HHAT: variants seen among roughly 807,000 people sequenced by gnomAD.
HHAT encodes the protein hedgehog acyltransferase.
A neutral mutation model predicts 70.8 loss-of-function variants in HHAT; 47 were observed. The ratio of observed to expected loss-of-function variants is 0.66; its 90% CI spans 0.53 to 0.85. HHAT has a LOEUF of 0.85. Ranked by LOEUF, HHAT falls within the 40% of genes least tolerant of loss-of-function variation. The pLI, the probability that HHAT is intolerant of heterozygous loss-of-function variation, is 0.00. For missense variants in HHAT, 609 were observed against 604.8 expected (o/e 1.01, Z -0.07); for synonymous variants, 228 against 247.6 (o/e 0.92, Z 0.74).
chr1:210,625,649 A>G (rs1192385722), intron 11 of HHAT, among the ~76,000 whole-genome samples: 4 of 152,234 alleles, frequency 2.6e-5, no homozygotes, highest in Admixed American at 1.3e-4. Context: ...AAAGGCAGGC[A>G]TATCAGGGAA....
At chr1:210,344,817 C>T (rs892054920) in intron 1 of HHAT, among the ~76,000 whole-genome samples, 1 of 152,096 alleles carries the variant, frequency 6.6e-6, no homozygotes, top group Non-Finnish European at 1.5e-5. Flanking sequence ...TTTGAGGGTA[C>T]AGTTAATTTA....
intron 8 of HHAT, among the ~76,000 whole-genome samples, chr1:210,502,427 G>T (rs1315121368): frequency 6.9e-6 from 1 of 143,984 alleles, no homozygotes; most frequent in Non-Finnish European, 1.5e-5. Context: ...GAAATTATAA[G>T]CATAATCTTT....
intron 7 of HHAT, among the ~76,000 whole-genome samples, chr1:210,448,014 C>A (rs796992566): frequency 6.6e-6 from 1 of 151,638 alleles, no homozygotes; most frequent in African/African-American, 2.4e-5. Context: ...GACTCCCACT[C>A]GGTAGCATAA....
chr1:210,333,581 A>G (rs1283632065), intron 1 of HHAT, among the ~76,000 whole-genome samples: 2 of 152,098 alleles, frequency 1.3e-5, no homozygotes, highest in Admixed American at 6.5e-5. Flanking sequence ...ATTTTGTAGT[A>G]TTTTCAAAGG....
chr1:210,333,635 C>T (rs754049801), intron 1 of HHAT, among the ~76,000 whole-genome samples: 4 of 151,780 alleles, frequency 2.6e-5, no homozygotes, highest in East Asian at 1.9e-4. Context: ...TGGTGACATT[C>T]GTCAGAGCTG....
intron 9 of HHAT, among the ~76,000 whole-genome samples, chr1:210,539,777 G>A (rs1284319811): frequency 6.6e-6 from 1 of 152,020 alleles, no homozygotes; most frequent in Non-Finnish European, 1.5e-5. Context: ...CTGTTTCAGT[G>A]CCTTTTTTGT....
chr1:210,617,552 C>T (rs964680278), intron 10 of HHAT, among the ~76,000 whole-genome samples: 2 of 152,138 alleles, frequency 1.3e-5, no homozygotes, highest in Admixed American at 1.3e-4. Context: ...TTAGCAGGAA[C>T]CCAGGCACCC....
At chr1:210,443,320 C>T (rs148483527) in intron 7 of HHAT, among the ~76,000 whole-genome samples, 2,030 of 151,134 alleles carry the variant, frequency 0.013, 21 homozygotes, top group Non-Finnish European at 0.021. Flanking sequence ...ATTGACTTGG[C>T]GATGCGGGCT....
At chr1:210,547,012 A>G in intron 9 of HHAT, among the ~76,000 whole-genome samples, 1 of 150,886 alleles carries the variant, frequency 6.6e-6, no homozygotes, top group East Asian at 2.0e-4. Context: ...TGGTTAGGAG[A>G]TGGGCTGAAA....
At chr1:210,607,117 A>G (rs549801378) in intron 10 of HHAT, among the ~76,000 whole-genome samples, 5 of 151,912 alleles carry the variant, frequency 3.3e-5, no homozygotes, top group Non-Finnish European at 7.4e-5. Context: ...TTTCTTCTTC[A>G]TGGGTTACTC....
chr1:210,614,015 C>T lies in HHAT; in HGVS notation c.1246-9511C>T, dbSNP rs1175122980. On this transcript the variant is annotated intron_variant, in intron 10 of 11. Coordinates refer to ENST00000261458, the MANE Select transcript of HHAT (RefSeq NM_018194.6). ...AGCCTGGAGACAGAGTGAGACCCTG[C>T]CTCAAAAAAAAAAAAAAAAAAAAAA... 3.2e-4 allele frequency among the ~76,000 whole-genome samples: 25 copies of T among 78,436 alleles called. No individual in the cohort carries two copies. The South Asian group carries it at 7.0e-3, about 22-fold the overall frequency. The allele number at this position is 78,436 out of a possible 152,430, so 51.5% of individuals were successfully genotyped here.
At chr1:210,509,927 A>T (rs542598210) in intron 8 of HHAT, among the ~76,000 whole-genome samples, 1 of 152,188 alleles carries the variant, frequency 6.6e-6, no homozygotes, top group Non-Finnish European at 1.5e-5. Flanking sequence ...TAGTTCTCAG[A>T]TACATTCATC....
intron 1 of HHAT, among the ~76,000 whole-genome samples, chr1:210,337,110 A>C (rs552263604): frequency 6.6e-6 from 1 of 152,198 alleles, no homozygotes; most frequent in East Asian, 1.9e-4. Context: ...GTTATGTTTG[A>C]TTATAAGATT....
chr1:210,502,166 C>T (rs182449775), intron 8 of HHAT, among the ~76,000 whole-genome samples: 3 of 151,812 alleles, frequency 2.0e-5, no homozygotes, highest in Admixed American at 2.0e-4. Context: ...GGGTGGATCA[C>T]GAGGTCAGGA....
At chr1:210,452,080 T>A (rs1368972184) in intron 7 of HHAT, among the ~76,000 whole-genome samples, 1 of 152,220 alleles carries the variant, frequency 6.6e-6, no homozygotes, top group East Asian at 1.9e-4. Flanking sequence ...TTGCTAAAGA[T>A]CACCATGGGG....
At chr1:210,546,996 C>T (rs1179663416) in intron 9 of HHAT, among the ~76,000 whole-genome samples, 2 of 150,668 alleles carry the variant, frequency 1.3e-5, no homozygotes, top group Non-Finnish European at 2.9e-5. Context: ...TCTCAGATGG[C>T]GTTAGTGGTT....
At chr1:210,374,095 T>G (rs905904217) in intron 3 of HHAT, 3 of 151,946 alleles carry the variant, frequency 2.0e-5, no homozygotes, top group African/African-American at 7.2e-5. Context: ...ATGAATCACT[T>G]AAGCCTAAAG....
intron 8 of HHAT, among the ~76,000 whole-genome samples, chr1:210,489,219 T>C (rs1572790507): frequency 1.3e-5 from 2 of 152,188 alleles, no homozygotes; most frequent in African/African-American, 2.4e-5. Context: ...ATTTGTAAAA[T>C]ATTGTGTTGT....
At chr1:210,384,373 G>T (rs886226163) in intron 3 of HHAT, among the ~76,000 whole-genome samples, 2 of 152,150 alleles carry the variant, frequency 1.3e-5, no homozygotes, top group African/African-American at 2.4e-5. Context: ...GGGGCGGGCT[G>T]AGCTGTTAAG....
Sources: gnomAD v4.1 joint callset for allele counts (sites outside exome capture counted in the v4.1 genomes callset) on GRCh38, gnomAD v4.1.1 for gene constraint, MANE v1.5 for transcripts, NCBI Gene and HGNC (gene_info 2026-07-23, HGNC 2026-07-21) for gene names.